PDIA3: variants seen among roughly 807,000 people sequenced by gnomAD.
The protein encoded by PDIA3 is protein disulfide-isomerase A3.
Under a neutral mutation model 56.9 loss-of-function variants are expected in PDIA3, and 16 were observed. The ratio of observed to expected loss-of-function variants is 0.28; its 90% CI spans 0.19 to 0.43. The LOEUF (loss-of-function observed/expected upper bound fraction) is 0.43. Among genes scored for constraint, PDIA3 ranks in the 20% least tolerant of loss-of-function variants. The probability of loss-of-function intolerance (pLI) is 1.00; values close to 1 mark genes in which losing one functional copy is unlikely to be tolerated. For missense variants in PDIA3, 485 were observed against 621.3 expected (o/e 0.78, Z 2.33); for synonymous variants, 192 against 216.5 (o/e 0.89, Z 0.99).
At chr15:43,760,189 G>A (rs2086805165) in intron 3 of PDIA3, among the ~76,000 whole-genome samples, 1 of 152,064 alleles carries the variant, frequency 6.6e-6, no homozygotes, top group African/African-American at 2.4e-5. Flanking sequence ...CTAGGAGTTG[G>A]AGGCCATCCT....
intron 2 of PDIA3, among the ~76,000 whole-genome samples, chr15:43,755,399 C>T (rs1018336463): frequency 3.3e-5 from 5 of 152,014 alleles, no homozygotes; most frequent in African/African-American, 9.7e-5. Context: ...GATGGTAATA[C>T]GAAAATGATA....
At chr15:43,748,030 C>T (rs184742324) in intron 1 of PDIA3, among the ~76,000 whole-genome samples, 5 of 152,270 alleles carry the variant, frequency 3.3e-5, no homozygotes, top group African/African-American at 9.6e-5. Flanking sequence ...TATAATCATG[C>T]TGTTAGCTTT....
rs13329138 is a variant in PDIA3, at chr15:43,753,893, A to G, written c.237A>G (p.Pro79=). 3.7e-6 allele frequency: 6 copies of G among 1,610,974 alleles called. No individual in the cohort carries two copies. In the African/African-American group the frequency reaches 4.0e-5, roughly 11 times the overall value. The change falls in exon 2 of 13, where the codon CCA becomes CCG. Residue 79 remains proline, a synonymous_variant. Transcript: ENST00000300289. ...AAATRLKGIV[P]LAKVDCTANT... ...CTACCAGATTAAAAGGAATAGTCCC[A>G]TTAGCAAAGGTAAGTACAGGTGGAT...
At chr15:43,751,942 A>G (rs945977047) in intron 1 of PDIA3, among the ~76,000 whole-genome samples, 2 of 152,240 alleles carry the variant, frequency 1.3e-5, no homozygotes, top group African/African-American at 2.4e-5. Context: ...ACTACTATAT[A>G]TTCAACAGAA....
Position 43,763,178 on chromosome 15 carries a change from C to G in PDIA3, c.574C>G (p.Leu192Val). Residue 192 changes from leucine to valine, a missense_variant, in exon 5 of 13, where the codon CTG (leucine) becomes GTG (valine). Transcript: ENST00000300289. ...YRFAHTNVES[L>V]VNEYDDNGEG... is the part of the protein sequence containing the mutation. Reference sequence around the variant, plus strand: ...ATTTGCACATACGAATGTTGAGTCTCTGGTGAACGAGTATGATGATAATGG... The same window carrying G: ...ATTTGCACATACGAATGTTGAGTCTGTGGTGAACGAGTATGATGATAATGG... 1 of 1,614,094 alleles carries G rather than the reference C, an allele frequency of 6.2e-7. No individual in the cohort carries two copies. Among genetic ancestry groups the G allele is most frequent in the South Asian group, 1.1e-5 (1 of 91,068 alleles).
chr15:43,749,451 A>G (rs1392738336), intron 1 of PDIA3, among the ~76,000 whole-genome samples: 1 of 152,124 alleles, frequency 6.6e-6, no homozygotes, highest in Non-Finnish European at 1.5e-5. Flanking sequence ...ATTCCTTTGT[A>G]CAGTTCAGTA....
intron 8 of PDIA3, among the ~76,000 whole-genome samples, chr15:43,768,062 A>G (rs1391541942): frequency 6.6e-6 from 1 of 152,188 alleles, no homozygotes; most frequent in Non-Finnish European, 1.5e-5. Context: ...TTTTTGAAAT[A>G]GCACATGGGT....
chr15:43,763,208 T>G lies in PDIA3; in HGVS notation c.602+2T>G. 6.2e-7 allele frequency: 1 copy of G among 1,612,886 alleles called. No homozygotes were observed. Among genetic ancestry groups the G allele is most frequent in the South Asian group, 1.1e-5 (1 of 91,022 alleles). ...GAACGAGTATGATGATAATGGAGAG[T>G]AAGTGACTGAGTTGAATCTCCTGAC... is the stretch of plus-strand genomic sequence containing the variant. On this transcript the variant is annotated splice_donor_variant, in intron 5 of 12. Coordinates refer to ENST00000300289, the MANE Select transcript of PDIA3 (RefSeq NM_005313.5). LOFTEE classifies it high-confidence loss of function.
chr15:43,760,535 T>C (rs889565258), intron 3 of PDIA3, among the ~76,000 whole-genome samples: 2 of 150,152 alleles, frequency 1.3e-5, no homozygotes, highest in African/African-American at 4.9e-5. Flanking sequence ...AAAAACTTTT[T>C]TTTTTTTTTT....
At chr15:43,746,743 G>A in intron 1 of PDIA3, 37 bp downstream of exon 1, 5 of 1,608,304 alleles carry the variant, frequency 3.1e-6, no homozygotes, top group Non-Finnish European at 4.3e-6. Context: ...AAGAAAGGCG[G>A]GGCTGGGCCG....
At chr15:43,756,025 A>T (rs760175733) in intron 2 of PDIA3, among the ~76,000 whole-genome samples, 1 of 152,184 alleles carries the variant, frequency 6.6e-6, no homozygotes, top group Non-Finnish European at 1.5e-5. Flanking sequence ...ATCATACTTC[A>T]TAATCTTATG....
rs1360176220 is a variant in PDIA3, at chr15:43,760,220, G to A, written c.365-1204G>A. ...ATCCTGGGCAACATAGTGAGACCCC[G>A]TCTTTATAAAAATACAAAAAACTAG... On this transcript the variant is annotated intron_variant, in intron 3 of 12. Coordinates refer to ENST00000300289, the MANE Select transcript of PDIA3 (RefSeq NM_005313.5). Among the ~76,000 whole-genome samples, 4 of 152,006 alleles carry A rather than the reference G, an allele frequency of 2.6e-5. No homozygotes were observed. The East Asian group carries it at 5.9e-4, about 22-fold the overall frequency.
chr15:43,771,187 A>G lies in PDIA3; in HGVS notation c.1487A>G (p.Lys496Arg). 2 of 1,599,176 alleles carry G rather than the reference A, an allele frequency of 1.3e-6. No homozygotes were observed. Among genetic ancestry groups the G allele is most frequent in the Non-Finnish European group, 1.7e-6 (2 of 1,170,002 alleles). Residue 496 changes from lysine to arginine, a missense_variant, in exon 13 of 13, where the codon AAG becomes AGG. Transcript: ENST00000300289. ...CCTGTAATTCAAGAAGAAAAACCCA[A>G]GAAGAAGAAGAAGGCACAGGAGGAT... ...NPPVIQEEKP[K>R]KKKKAQEDL
chr15:43,763,022 T>C (rs1389490632), intron 4 of PDIA3, 55 bp from the exon 5 acceptor site: 4 of 1,554,934 alleles, frequency 2.6e-6, no homozygotes, highest in African/African-American at 1.4e-5. Context: ...TGGTTTGGAA[T>C]GTCCATCTGT....
rs2086815555 is a variant in PDIA3 at position 43,761,439 on chromosome 15, A to T, written c.380A>T (p.His127Leu). 1.3e-6 allele frequency: 2 copies of T among 1,584,554 alleles called. No homozygotes were observed. The highest frequency in any genetic ancestry group is 1.7e-6 in the Non-Finnish European group (2 of 1,159,482). The change falls in exon 4 of 13, where the codon CAC becomes CTC. Residue 127 changes from histidine to leucine, a missense_variant. His to Leu is a moderately conservative substitution (Grantham distance 99). Coordinates refer to ENST00000300289, the MANE Select transcript of PDIA3 (RefSeq NM_005313.5). ...GACTTCTAAGATGGAATTGTCAGCCACTTGAAGAAGCAGGCAGGACCAGCT... is the reference window on the plus strand; with the variant it reads ...GACTTCTAAGATGGAATTGTCAGCCTCTTGAAGAAGCAGGCAGGACCAGCT... ...GPRTADGIVS[H>L]LKKQAGPASV...
intron 2 of PDIA3, among the ~76,000 whole-genome samples, chr15:43,754,875 A>C (rs2086768012): frequency 6.6e-6 from 1 of 152,026 alleles, no homozygotes; most frequent in African/African-American, 2.4e-5. Context: ...GGATTGCTTA[A>C]GCCAGAGAGG....
intron 1 of PDIA3, chr15:43,751,486 T>C: frequency 1.4e-6 from 1 of 703,460 alleles, no homozygotes; most frequent in Non-Finnish European, 2.2e-6. Flanking sequence ...TAGAATTAAT[T>C]GTGTTTTAAT....
At chr15:43,752,393 G>A (rs2086750258) in intron 1 of PDIA3, among the ~76,000 whole-genome samples, 1 of 152,208 alleles carries the variant, frequency 6.6e-6, no homozygotes, top group Non-Finnish European at 1.5e-5. Flanking sequence ...ACTATCTTGT[G>A]TCTCACTGAG....
At chr15:43,759,723 C>G (rs2086802253) in intron 3 of PDIA3, among the ~76,000 whole-genome samples, 1 of 152,170 alleles carries the variant, frequency 6.6e-6, no homozygotes, top group Non-Finnish European at 1.5e-5. Flanking sequence ...AAAATTCTGA[C>G]TACATGCTGC....
Sources: gnomAD v4.1 joint callset for allele counts (sites outside exome capture counted in the v4.1 genomes callset) on GRCh38, gnomAD v4.1.1 for gene constraint, MANE v1.5 for transcripts, NCBI Gene and HGNC (gene_info 2026-07-23, HGNC 2026-07-21) for gene names.